OSBPL10: variants seen among roughly 807,000 people sequenced by gnomAD.
The protein encoded by OSBPL10 is oxysterol binding protein like 10, also known as oxysterol-binding protein-related protein 10.
Under a neutral mutation model 81.7 loss-of-function variants are expected in OSBPL10, and 49 were observed. The observed-to-expected ratio is 0.60, with a 90% CI of 0.48 to 0.76. OSBPL10 has a LOEUF of 0.76. Ranked by LOEUF, OSBPL10 falls within the 30% of genes least tolerant of loss-of-function variation. OSBPL10 has a pLI of 0.00. For synonymous variants in OSBPL10, 419 were observed against 383.6 expected (o/e 1.09, Z -1.08); for missense variants, 923 against 987.8 (o/e 0.93, Z 0.88).
At position 31,668,649 on chromosome 3, in the gene OSBPL10, C is replaced by G. The variant is rs1434838563; in HGVS notation, c.2089G>C (p.Glu697Gln). The change falls in exon 10 of 12, where the codon GAG becomes CAG. Residue 697 changes from glutamate (E) to glutamine (Q), a missense_variant. This residue lies in a region of OSBPL10 where 387 missense variants were observed against 436.3 expected (regional missense o/e 0.89). Transcript: ENST00000396556. Reference protein sequence around the residue: ...IRPLEKQGPMESRNLWREVTR... With the variant: ...IRPLEKQGPMQSRNLWREVTR... ...ACACAGCCCGGTTCTCACCTGGACT[C>G]CATGGGTCCCTGCTTCTCAAGAGGT... is the stretch of plus-strand genomic sequence containing the variant. 2.5e-6 allele frequency: 4 copies of G among 1,612,816 alleles called. No homozygotes were observed. The highest frequency in any genetic ancestry group is 1.3e-5 in the African/African-American group (1 of 74,898).
At chr3:31,770,877 GTTAAT>G (rs1340083489) in intron 4 of OSBPL10, among the ~76,000 whole-genome samples, 1 of 152,178 alleles carries the variant, frequency 6.6e-6, no homozygotes, top group African/African-American at 2.4e-5. Context: ...CTCCTACTCA[GTTAAT>G]TTGTTTACTG....
intron 7 of OSBPL10, among the ~76,000 whole-genome samples, chr3:31,698,847 C>G (rs1467997171): frequency 3.9e-5 from 6 of 152,198 alleles, no homozygotes; most frequent in Admixed American, 1.3e-4. Flanking sequence ...AGCTACCCTC[C>G]CTGATATGCT....
intron 2 of OSBPL10, chr3:31,989,171 T>C (rs760103495): frequency 2.5e-6 from 4 of 1,614,146 alleles, no homozygotes; most frequent in South Asian, 2.2e-5. Flanking sequence ...GATGTGGCTA[T>C]AGAATTCTCT....
chr3:31,894,150 T>C (rs1034379676), intron 1 of OSBPL10, among the ~76,000 whole-genome samples: 4 of 152,200 alleles, frequency 2.6e-5, no homozygotes, highest in African/African-American at 9.7e-5. Context: ...TTGAAATACC[T>C]TACTCCAAGA....
chr3:31,809,975 G>A lies in OSBPL10; in HGVS notation c.729+20065C>T, dbSNP rs142707666. 3.1e-3 allele frequency among the ~76,000 whole-genome samples: 458 copies of A among 147,576 alleles called. 4 individuals are homozygous for A. Among genetic ancestry groups the A allele is most frequent in the African/African-American group, 9.6e-3 (378 of 39,510 alleles). ...CAACCTCTGCCTCCTGGATTCAAGC[G>A]ATTCTCCTGCCTCAGTCTCCCGAGT... On this transcript the variant is annotated intron_variant, in intron 4 of 11. Coordinates refer to ENST00000396556, the MANE Select transcript of OSBPL10 (RefSeq NM_017784.5).
chr3:31,736,120 G>A (rs1233144857), intron 5 of OSBPL10, among the ~76,000 whole-genome samples: 1 of 152,178 alleles, frequency 6.6e-6, no homozygotes, highest in Admixed American at 6.5e-5. Flanking sequence ...GAGAGTGGAT[G>A]GGAGGGAATG....
chr3:31,788,921 C>G (rs1698932377), intron 4 of OSBPL10, among the ~76,000 whole-genome samples: 1 of 151,908 alleles, frequency 6.6e-6, no homozygotes. Flanking sequence ...CAGAGAAAAT[C>G]ATGAACATTT....
intron 4 of OSBPL10, among the ~76,000 whole-genome samples, chr3:31,786,608 C>T (rs1698865410): frequency 6.6e-6 from 1 of 152,160 alleles, no homozygotes; most frequent in South Asian, 2.1e-4. Context: ...TGGTAGAGAC[C>T]TCATGGCCTA....
intron 1 of OSBPL10, among the ~76,000 whole-genome samples, chr3:31,934,383 T>C (rs1013642672): frequency 6.7e-6 from 1 of 149,130 alleles, no homozygotes; most frequent in African/African-American, 2.4e-5. Context: ...CCAAATTTCA[T>C]AGTCAAAGAC....
At chr3:32,030,693 AAT>A in intron 2 of OSBPL10, 1 of 851,562 alleles carries the variant, frequency 1.2e-6, no homozygotes, top group Non-Finnish European at 2.0e-6. Context: ...TGTTAAAAAA[AAT>A]AAAAGACCTC....
intron 1 of OSBPL10, among the ~76,000 whole-genome samples, chr3:31,976,131 T>A (rs114652123): frequency 2.0e-3 from 300 of 152,284 alleles, no homozygotes; most frequent in South Asian, 5.8e-3. Flanking sequence ...GTTAATGTGG[T>A]CCCAGGGTAA....
intron 1 of OSBPL10, among the ~76,000 whole-genome samples, chr3:31,903,110 T>G (rs574605277): frequency 2.6e-5 from 4 of 152,296 alleles, no homozygotes; most frequent in African/African-American, 7.2e-5. Context: ...ACAGTCTTTC[T>G]TACATTTATT....
chr3:31,940,730 A>G (rs1697510925), intron 1 of OSBPL10, among the ~76,000 whole-genome samples: 1 of 152,008 alleles, frequency 6.6e-6, no homozygotes, highest in Admixed American at 6.6e-5. Context: ...CAGCTTTGGC[A>G]TGGCCACCTC....
chr3:31,922,684 A>T (rs77640746), intron 1 of OSBPL10, among the ~76,000 whole-genome samples: 9,573 of 151,944 alleles, frequency 0.063, 410 homozygotes, highest in East Asian at 0.18. Context: ...AATTTTTTTT[A>T]AAAAACTGGA....
Position 31,830,229 on chromosome 3 carries a change from A to C in OSBPL10, c.540T>G (p.Ser180Arg). The change falls in exon 4 of 12, where the codon AGT becomes AGG. Residue 180 changes from serine (S) to arginine (R), a missense_variant and splice_region_variant. Coordinates refer to ENST00000396556, the MANE Select transcript of OSBPL10 (RefSeq NM_017784.5). Reference sequence around the variant, plus strand: ...GACTTCGGCTTCGGGAGCTTGGAGCACTCTAGAATAAGCAACAGGTGTCAA... The same window carrying C: ...GACTTCGGCTTCGGGAGCTTGGAGCCCTCTAGAATAAGCAACAGGTGTCAA... Reference protein sequence around the residue: ...AKYHMEMNSKSAPSSRSRSLT... With the variant: ...AKYHMEMNSKRAPSSRSRSLT... 3 of 1,611,128 alleles carry C rather than the reference A, an allele frequency of 1.9e-6. No individual in the cohort carries two copies. The highest frequency in any genetic ancestry group is 2.5e-6 in the Non-Finnish European group (3 of 1,178,692).
intron 1 of OSBPL10, among the ~76,000 whole-genome samples, chr3:31,891,328 A>C (rs1413916911): frequency 6.6e-6 from 1 of 152,094 alleles, no homozygotes; most frequent in East Asian, 1.9e-4. Flanking sequence ...GTGGAGCAGG[A>C]GAATTTGATT....
At chr3:31,981,343 G>A (rs560411522), upstream of OSBPL10, 33 of 1,202,772 alleles carry the variant, frequency 2.7e-5, 1 homozygote, top group East Asian at 7.1e-4. The surrounding 1 kb of genome is among the most constrained non-coding windows in gnomAD (Gnocchi z 4.5). Context: ...AGGCGAAGGA[G>A]AGCTGGGAAG....
intron 3 of OSBPL10, among the ~76,000 whole-genome samples, chr3:31,873,534 A>T (rs556888596): frequency 2.0e-5 from 3 of 152,196 alleles, no homozygotes; most frequent in Non-Finnish European, 4.4e-5. Context: ...AGTTTGAATT[A>T]TAGCACCATT....
intron 1 of OSBPL10, among the ~76,000 whole-genome samples, chr3:31,944,037 CAGAT>C (rs1414830017): frequency 7.2e-6 from 1 of 138,100 alleles, no homozygotes; most frequent in Non-Finnish European, 1.5e-5. Flanking sequence ...AATATTTCAT[CAGAT>C]AGATAAAGCA....
Sources: allele counts gnomAD v4.1 joint callset (sites outside exome capture counted in the v4.1 genomes callset), GRCh38; gene constraint gnomAD v4.1.1; regional missense constraint gnomAD v4.1.1; non-coding constraint Gnocchi (gnomAD v3.1); transcripts MANE v1.5; gene names NCBI Gene and HGNC (gene_info 2026-07-23, HGNC 2026-07-21).